ASAP2: variants seen among roughly 807,000 people sequenced by gnomAD.
ASAP2 encodes arf-GAP with SH3 domain, ANK repeat and PH domain-containing protein 2.
ASAP2 carries 45 observed loss-of-function variants against 131.4 expected under a neutral mutation model. The observed-to-expected ratio is 0.34, with a 90% CI of 0.27 to 0.44. The LOEUF is 0.44. Among genes scored for constraint, ASAP2 ranks in the 20% least tolerant of loss-of-function variants. The pLI, the probability that ASAP2 is intolerant of heterozygous loss-of-function variation, is 1.00. For missense variants in ASAP2, 1,011 were observed against 1,297.0 expected (o/e 0.78, Z 3.39); for synonymous variants, 510 against 503.0 (o/e 1.01, Z -0.19).
intron 1 of ASAP2, among the ~76,000 whole-genome samples, chr2:9,234,043 G>A (rs993404687): frequency 3.3e-5 from 5 of 151,052 alleles, no homozygotes; most frequent in African/African-American, 7.3e-5. Flanking sequence ...CCCGGGAGGC[G>A]GAGGTTGCAG....
chr2:9,309,097 G>A (rs1010306367), intron 3 of ASAP2, among the ~76,000 whole-genome samples: 4 of 152,024 alleles, frequency 2.6e-5, no homozygotes, highest in South Asian at 2.1e-4. Flanking sequence ...CCTCCTTTGC[G>A]CTCTGCTCCA....
intron 3 of ASAP2, among the ~76,000 whole-genome samples, chr2:9,315,717 C>T (rs1669625354): frequency 6.6e-6 from 1 of 152,166 alleles, no homozygotes; most frequent in African/African-American, 2.4e-5. Context: ...CTCATCAGCA[C>T]GGCCTTCTGT....
At chr2:9,214,158 C>T (rs529726409) in intron 1 of ASAP2, among the ~76,000 whole-genome samples, 1 of 152,340 alleles carries the variant, frequency 6.6e-6, no homozygotes, top group African/African-American at 2.4e-5. Flanking sequence ...AACCTACCTC[C>T]TTTGCTTACG....
intron 24 of ASAP2, chr2:9,399,781 C>T: frequency 1.8e-6 from 1 of 551,030 alleles, no homozygotes; most frequent in Non-Finnish European, 3.2e-6. Context: ...CGGTGGCAGG[C>T]TCACGTGGAC....
intron 20 of ASAP2, among the ~76,000 whole-genome samples, chr2:9,385,007 G>A (rs193289828): frequency 4.1e-4 from 63 of 152,360 alleles, no homozygotes; most frequent in African/African-American, 1.3e-3. Context: ...GTTACGAGCC[G>A]GGAACTGTGG....
At chr2:9,216,859 A>C (rs1480902137) in intron 1 of ASAP2, among the ~76,000 whole-genome samples, 2 of 151,942 alleles carry the variant, frequency 1.3e-5, no homozygotes, top group East Asian at 1.9e-4. Context: ...TTGCCCTCCC[A>C]AAGTGCTGGT....
intron 17 of ASAP2, among the ~76,000 whole-genome samples, chr2:9,376,164 A>G (rs1240690326): frequency 6.6e-6 from 1 of 152,190 alleles, no homozygotes; most frequent in Admixed American, 6.5e-5. Context: ...CTCTCTCCCC[A>G]TCCCCAGAAA....
Position 9,391,076 on chromosome 2 carries a change from T to C in ASAP2, c.2398T>C (p.Ser800Pro), listed in dbSNP as rs756544771. Residue 800 changes from serine (S) to proline (P), a missense_variant, in exon 23 of 28, where the codon TCT becomes CCT. By Grantham distance (74) the Ser-to-Pro change is moderately conservative. Coordinates refer to ENST00000281419, the MANE Select transcript of ASAP2 (RefSeq NM_003887.3). Reference protein sequence around the residue: ...RNVGKVQTASSANTLWKTNSV... With the variant: ...RNVGKVQTASPANTLWKTNSV... ...TGTGGGTTCAGTTCAGACAGCCTCC[T>C]CTGCTAACACCCTGTGGAAGACAAA... 4 of 1,614,262 alleles carry C rather than the reference T, an allele frequency of 2.5e-6. No homozygotes were observed. The highest frequency in any genetic ancestry group is 3.4e-6 in the Non-Finnish European group (4 of 1,180,052).
chr2:9,348,472 G>C (rs1318947366), intron 11 of ASAP2, among the ~76,000 whole-genome samples: 1 of 152,168 alleles, frequency 6.6e-6, no homozygotes, highest in Non-Finnish European at 1.5e-5. Flanking sequence ...TTAATGGATA[G>C]AATTTTCTCC....
intron 3 of ASAP2, 28 bp downstream of exon 3, chr2:9,297,473 C>G: frequency 6.2e-7 from 1 of 1,611,024 alleles, no homozygotes; most frequent in Non-Finnish European, 8.5e-7. Flanking sequence ...TGAAATGCTG[C>G]GGTTACTTCA....
chr2:9,226,488 G>A (rs1303464583), intron 1 of ASAP2, among the ~76,000 whole-genome samples: 2 of 152,124 alleles, frequency 1.3e-5, no homozygotes, highest in Non-Finnish European at 2.9e-5. Context: ...GTTCCATAAT[G>A]ACTTCAAGGG....
At chr2:9,400,962 T>C in intron 26 of ASAP2, 132 bp downstream of exon 26, 1 of 954,696 alleles carries the variant, frequency 1.0e-6, no homozygotes. Context: ...TCTTGGTACC[T>C]GACTGCTTGG....
At chr2:9,239,423 A>G (rs941612887) in intron 1 of ASAP2, among the ~76,000 whole-genome samples, 3 of 150,268 alleles carry the variant, frequency 2.0e-5, no homozygotes, top group East Asian at 3.9e-4. Context: ...CTCTTTCATT[A>G]TATTTTGGGT....
chr2:9,374,989 G>T, intron 17 of ASAP2, 45 bp downstream of exon 17: 1 of 1,444,994 alleles, frequency 6.9e-7, no homozygotes, highest in South Asian at 1.3e-5. Context: ...AAAAAAGGCC[G>T]GCCACGGTGG....
intron 3 of ASAP2, among the ~76,000 whole-genome samples, chr2:9,315,779 T>C (rs781230860): frequency 2.0e-5 from 3 of 152,190 alleles, no homozygotes; most frequent in Non-Finnish European, 2.9e-5. Flanking sequence ...AACTGCGCTT[T>C]TCAGCATTTA....
intron 15 of ASAP2, among the ~76,000 whole-genome samples, chr2:9,360,151 G>T (rs1171013902): frequency 3.3e-5 from 5 of 152,166 alleles, no homozygotes; most frequent in Non-Finnish European, 7.4e-5. Flanking sequence ...TATGGCAGTT[G>T]TTTCTTTTAC....
chr2:9,348,717 A>T (rs899867067), intron 11 of ASAP2, among the ~76,000 whole-genome samples: 5 of 152,050 alleles, frequency 3.3e-5, no homozygotes, highest in Non-Finnish European at 7.4e-5. Flanking sequence ...ATTTTTCTCT[A>T]TTTTGTGGTA....
intron 2 of ASAP2, among the ~76,000 whole-genome samples, chr2:9,296,424 A>G (rs909466034): frequency 6.6e-5 from 10 of 152,224 alleles, no homozygotes; most frequent in African/African-American, 2.2e-4. Flanking sequence ...GGCGTCCAGC[A>G]GGGATTGAGA....
At chr2:9,302,163 A>T (rs1668534008) in intron 3 of ASAP2, among the ~76,000 whole-genome samples, 2 of 95,146 alleles carry the variant, frequency 2.1e-5, no homozygotes, top group East Asian at 3.1e-4. Flanking sequence ...GATGTGAGTT[A>T]GAAGCCTTTT....
Sources: allele counts gnomAD v4.1 joint callset (sites outside exome capture counted in the v4.1 genomes callset), GRCh38; gene constraint gnomAD v4.1.1; transcripts MANE v1.5; gene names NCBI Gene and HGNC (gene_info 2026-07-23, HGNC 2026-07-21).